CUL4B: variants seen among roughly 807,000 people sequenced by gnomAD.
The protein encoded by CUL4B is cullin-4B.
In CUL4B, 1 loss-of-function variant was observed where a neutral mutation model predicts 69.2. The observed-to-expected ratio is 0.01, with a 90% CI of 0.01 to 0.07. CUL4B has a LOEUF of 0.07. Ranked by LOEUF, CUL4B falls within the 10% of genes least tolerant of loss-of-function variation. CUL4B has a pLI of 1.00. For synonymous variants in CUL4B, 237 were observed against 223.2 expected, an observed-to-expected ratio of 1.06 and a Z score of -0.55; for missense variants, 328 against 638.8, an observed-to-expected ratio of 0.51 and a Z score of 5.24.
intron 16 of CUL4B, 109 bp downstream of exon 16, chrX:120,535,721 A>G: frequency 2.3e-6 from 1 of 437,288 alleles, no homozygotes; most frequent in Non-Finnish European, 4.0e-6. Flanking sequence ...AAAAAAAAAA[A>G]AAAAAAAGAA....
chrX:120,544,020 T>C, intron 7 of CUL4B, 94 bp downstream of exon 7: 1 of 625,047 alleles, frequency 1.6e-6, no homozygotes, highest in Non-Finnish European at 2.7e-6. Context: ...CATCACAATG[T>C]TGGGAAGATA....
intron 1 of CUL4B, among the ~76,000 whole-genome samples, chrX:120,559,513 T>C (rs1925162701): frequency 8.9e-6 from 1 of 112,520 alleles, no homozygotes; most frequent in Admixed American, 9.4e-5. Flanking sequence ...GTATACACAA[T>C]GTTTTTCACT....
chrX:120,530,904 C>T (rs1301547835), intron 18 of CUL4B, among the ~76,000 whole-genome samples: 2 of 112,005 alleles, frequency 1.8e-5, no homozygotes, highest in Non-Finnish European at 3.8e-5. Context: ...GCAGCAGTTT[C>T]TTCCTGGTAC....
intron 19 of CUL4B, among the ~76,000 whole-genome samples, chrX:120,527,507 A>G (rs1218503210): frequency 1.8e-5 from 2 of 110,667 alleles, no homozygotes; most frequent in Non-Finnish European, 3.8e-5. Flanking sequence ...TCAGCCTCCC[A>G]AAGTACTGGA....
At chrX:120,568,168 G>A (rs1196046962), downstream of CUL4B, among the ~76,000 whole-genome samples, 1 of 111,106 alleles carries the variant, frequency 9.0e-6, no homozygotes, top group Non-Finnish European at 1.9e-5. Flanking sequence ...GGAGACTGGA[G>A]GTAAACAGAA....
Position 120,530,058 on chromosome X carries a change from T to C in CUL4B, c.2592+44A>G, listed in dbSNP as rs766667388. The stretch of plus-strand genomic sequence containing the variant: ...GTGTCTGAAAATCTAATGTACTTTC[T>C]TTTATTTATAACACGCTCAATAGGA... On this transcript the variant is annotated intron_variant, in intron 19 of 19. Transcript: ENST00000371322. 4 of 1,167,773 alleles carry C rather than the reference T, an allele frequency of 3.4e-6. No homozygotes were observed. The East Asian group carries it at 8.9e-5, about 26-fold the overall frequency.
chrX:120,543,041 GAAA>G lies in CUL4B; in HGVS notation c.1257-11_1257-9del, dbSNP rs746854249. 5.6e-6 allele frequency: 5 copies of G among 897,761 alleles called. No individual in the cohort carries two copies. Among genetic ancestry groups the G allele is most frequent in the African/African-American group, 2.1e-5 (1 of 46,950 alleles). 74.0% of individuals were successfully genotyped at this position (897,761 alleles called of 1,213,427 possible). A position where few individuals can be genotyped will look rare whatever the true frequency, so the allele number is the denominator to read the frequency against. On this transcript the variant is annotated splice_polypyrimidine_tract_variant and intron_variant, in intron 8 of 19. Coordinates refer to ENST00000371322, the MANE Select transcript of CUL4B (RefSeq NM_001079872.2). ...GTAGCAATTAATGACTTCCTACAAG[GAAA>G]AAAAAAAAGGTTAGTATTATTGACG...
chrX:120,550,407 G>A (rs1335932414), intron 2 of CUL4B, among the ~76,000 whole-genome samples: 2 of 111,583 alleles, frequency 1.8e-5, no homozygotes, highest in African/African-American at 3.3e-5. Flanking sequence ...GCCAGAAAAC[G>A]TGTAATTACG....
At chrX:120,542,888 G>T in intron 9 of CUL4B, 78 bp downstream of exon 9, 1 of 722,655 alleles carries the variant, frequency 1.4e-6, no homozygotes, top group Non-Finnish European at 2.2e-6. Context: ...TTTTAAAAGG[G>T]CAACATCTTT....
intron 19 of CUL4B, among the ~76,000 whole-genome samples, chrX:120,528,694 C>T (rs954619650): frequency 9.0e-6 from 1 of 111,124 alleles, no homozygotes; most frequent in Non-Finnish European, 1.9e-5. Flanking sequence ...GCACTCCAGC[C>T]TGGATGACAG....
chrX:120,546,677 A>C (rs1924353609), intron 3 of CUL4B, 61 bp from the exon 4 acceptor site: 1 of 826,546 alleles, frequency 1.2e-6, no homozygotes, highest in Admixed American at 2.4e-5. Context: ...GCCATGTGAC[A>C]GAGAGCATAT....
At position 120,530,210 on chromosome X, in the gene CUL4B, T is replaced by C. The variant is rs1194437709; in HGVS notation, c.2484A>G (p.Arg828=). The change falls in exon 19 of 20, where the codon AGA becomes AGG. Residue 828 remains arginine (R), a synonymous_variant. Transcript: ENST00000371322. The part of the protein sequence containing the change: ...ASTTERVFQD[R]QYQIDAAIVR... ...CAATTGCAGCATCAATTTGATACTG[T>C]CTGTCTTGAAATACTCTTTCTGTAG... 4 of 1,210,130 alleles carry C rather than the reference T, an allele frequency of 3.3e-6. No homozygotes were observed. The highest frequency in any genetic ancestry group is 4.5e-6 in the Non-Finnish European group (4 of 894,147).
downstream of CUL4B, among the ~76,000 whole-genome samples, chrX:120,569,410 G>A (rs1007689610): frequency 1.9e-5 from 2 of 106,972 alleles, no homozygotes; most frequent in Non-Finnish European, 3.9e-5. Context: ...TTCCAGGGTG[G>A]AGTGCAGTGG....
intron 2 of CUL4B, 108 bp from the exon 3 acceptor site, chrX:120,547,347 G>T (rs923748324): frequency 1.8e-6 from 1 of 542,082 alleles, no homozygotes; most frequent in Non-Finnish European, 3.2e-6. Flanking sequence ...ATTAAAAAGG[G>T]TTATTCATCC....
chrX:120,573,941 A>T (rs1315892882), intron 2 of CUL4B, among the ~76,000 whole-genome samples: 1 of 111,175 alleles, frequency 9.0e-6, no homozygotes, highest in African/African-American at 3.3e-5. Flanking sequence ...CTCCAGCCTG[A>T]GCCTCCCTAG....
intron 5 of CUL4B, among the ~76,000 whole-genome samples, chrX:120,545,110 G>A (rs757938923): frequency 7.2e-4 from 81 of 112,001 alleles, no homozygotes; most frequent in Non-Finnish European, 1.1e-3. Flanking sequence ...CTATTTTCGT[G>A]TATACATGGA....
intron 10 of CUL4B, among the ~76,000 whole-genome samples, chrX:120,541,205 A>G (rs1923968860): frequency 8.9e-6 from 1 of 112,695 alleles, no homozygotes; most frequent in Non-Finnish European, 1.9e-5. Context: ...TTCCCTTAAA[A>G]GAACTGGATC....
At chrX:120,565,348 A>G (rs1296997174), upstream of CUL4B, among the ~76,000 whole-genome samples, 1 of 109,656 alleles carries the variant, frequency 9.1e-6, no homozygotes, top group Non-Finnish European at 1.9e-5. Flanking sequence ...TGCATTAAAA[A>G]AACACAAACA....
At chrX:120,562,859 A>T (rs1278620678), upstream of CUL4B, among the ~76,000 whole-genome samples, 1 of 111,838 alleles carries the variant, frequency 8.9e-6, no homozygotes, top group East Asian at 2.8e-4. Flanking sequence ...TTTGGAGTCT[A>T]CTCTGTAGGC....
Sources: allele counts gnomAD v4.1 joint callset (sites outside exome capture counted in the v4.1 genomes callset), GRCh38; gene constraint gnomAD v4.1.1; transcripts MANE v1.5; gene names NCBI Gene and HGNC (gene_info 2026-07-23, HGNC 2026-07-21).